The following SIMC1 variants were observed in gnomAD, a reference collection of about 807,000 sequenced individuals.
The protein encoded by SIMC1 is SUMO-interacting motif-containing protein 1.
SIMC1 carries 55 observed loss-of-function variants against 82.3 expected under a neutral mutation model. The observed-to-expected ratio is 0.67, with a 90% CI of 0.54 to 0.84. The LOEUF (loss-of-function observed/expected upper bound fraction) is 0.84. SIMC1 is among the 40% of genes least tolerant of loss of function. The pLI is 0.00. For missense variants in SIMC1, 915 were observed against 1,107.2 expected, an observed-to-expected ratio of 0.83 and a Z score of 2.46; for synonymous variants, 353 against 426.3, an observed-to-expected ratio of 0.83 and a Z score of 2.12.
At chr5:176,293,541 C>T (rs1013849793) in intron 2 of SIMC1, among the ~76,000 whole-genome samples, 3 of 150,058 alleles carry the variant, frequency 2.0e-5, no homozygotes, top group Admixed American at 1.3e-4. Context: ...TTCACAAGTT[C>T]GAGACCAGCC....
At chr5:176,276,504 A>G (rs1003338747) in intron 1 of SIMC1, among the ~76,000 whole-genome samples, 46 of 149,886 alleles carry the variant, frequency 3.1e-4, no homozygotes, top group South Asian at 6.3e-4. Flanking sequence ...TGTGCAGGTT[A>G]GTTACATATG....
chr5:176,309,073 C>A (rs559566854), intron 4 of SIMC1: 2 of 711,204 alleles, frequency 2.8e-6, no homozygotes, highest in South Asian at 1.7e-5. Context: ...TAAGCTAAAT[C>A]AATTTTGAAG....
Position 176,279,203 on chromosome 5 carries a change from A to G in SIMC1, c.130-10451A>G, listed in dbSNP as rs545284043. ...GGAGAGTGTATGTGTCGAGGAATTT[A>G]TCCATTTCTTCTAGATTTTCTAGTT... On this transcript the variant is annotated intron_variant, in intron 1 of 9. Transcript: ENST00000429602. 3.9e-5 allele frequency among the ~76,000 whole-genome samples: 6 copies of G among 152,216 alleles called. No homozygotes were observed. In the East Asian group the frequency reaches 9.7e-4, roughly 25 times the overall value.
At chr5:176,273,956 A>G (rs1290172515) in intron 1 of SIMC1, among the ~76,000 whole-genome samples, 1 of 151,694 alleles carries the variant, frequency 6.6e-6, no homozygotes, top group Non-Finnish European at 1.5e-5. Context: ...ATAGTGCCAC[A>G]ATAAACATAC....
intron 1 of SIMC1, among the ~76,000 whole-genome samples, chr5:176,287,618 TTAAAA>T (rs1763349116): frequency 1.3e-5 from 2 of 149,650 alleles, no homozygotes; most frequent in Admixed American, 1.3e-4. Context: ...ACCCTAGAAC[TTAAAA>T]TATAATAATT....
intron 9 of SIMC1, among the ~76,000 whole-genome samples, chr5:176,341,077 G>T (rs555843148): frequency 3.9e-4 from 59 of 152,308 alleles, no homozygotes; most frequent in African/African-American, 1.2e-3. Context: ...AACCCGGGAG[G>T]CAGAGGTTGC....
At chr5:176,313,978 A>C (rs530766241) in intron 5 of SIMC1, 133 bp downstream of exon 5, 99 of 1,147,488 alleles carry the variant, frequency 8.6e-5, no homozygotes, top group Non-Finnish European at 1.1e-4. Context: ...TTTTAAAACT[A>C]TAGATAGACC....
Position 176,290,909 on chromosome 5 carries a change from A to T in SIMC1, c.1385A>T (p.His462Leu). 1 of 1,610,256 alleles carries T rather than the reference A, an allele frequency of 6.2e-7. No individual in the cohort carries two copies. Among genetic ancestry groups the T allele is most frequent in the Non-Finnish European group, 8.5e-7 (1 of 1,177,618 alleles). ...RLKYFLRPPVHHLFFQTLIPD... is the reference protein window; with the variant it reads ...RLKYFLRPPVLHLFFQTLIPD... ...AAGTACTTCTTACGTCCTCCGGTTCATCACCTCTTCTTTCAGACGCTAATA... is the reference window on the plus strand; with the variant it reads ...AAGTACTTCTTACGTCCTCCGGTTCTTCACCTCTTCTTTCAGACGCTAATA... Residue 462 changes from histidine to leucine, a missense_variant, in exon 2 of 10, where the codon CAT (histidine) becomes CTT (leucine). By Grantham distance (99) the His-to-Leu change is moderately conservative. Around this residue, in one of 2 missense-constraint regions of SIMC1, gnomAD observed 902 missense variants for 1,040.3 expected, o/e 0.87. Coordinates refer to ENST00000429602, the MANE Select transcript of SIMC1 (RefSeq NM_001308195.2).
chr5:176,302,826 TACTC>T (rs772782680), intron 4 of SIMC1, among the ~76,000 whole-genome samples: 2 of 152,004 alleles, frequency 1.3e-5, no homozygotes, highest in Non-Finnish European at 2.9e-5. Context: ...AAGAATAAAA[TACTC>T]AGGCATAAAC....
At chr5:176,329,889 C>A (rs1052683063) in intron 7 of SIMC1, among the ~76,000 whole-genome samples, 1 of 152,066 alleles carries the variant, frequency 6.6e-6, no homozygotes, top group Admixed American at 6.6e-5. Flanking sequence ...TTGGAGGTAT[C>A]AGTATGAACT....
At chr5:176,267,733 GTTTTTTTTTTTTTT>G (rs1159766316) in intron 1 of SIMC1, among the ~76,000 whole-genome samples, 1 of 27,236 alleles carries the variant, frequency 3.7e-5, no homozygotes, top group East Asian at 1.5e-3. Context: ...TTTTCTTTCT[GTTTTTTTTTTTTTT>G]TTTTTTTTTT....
intron 4 of SIMC1, among the ~76,000 whole-genome samples, chr5:176,297,846 A>AG (rs1561704874): frequency 6.6e-6 from 1 of 152,174 alleles, no homozygotes; most frequent in Non-Finnish European, 1.5e-5. Context: ...AATCAAAAAA[A>AG]GGGGGGAGGC....
intron 4 of SIMC1, chr5:176,308,782 G>A: frequency 3.1e-6 from 4 of 1,278,022 alleles, no homozygotes; most frequent in Non-Finnish European, 4.6e-6. Flanking sequence ...AAGATCCTGT[G>A]CCAGGAGGAG....
intron 1 of SIMC1, among the ~76,000 whole-genome samples, chr5:176,264,952 T>C (rs1762143395): frequency 2.0e-5 from 3 of 152,154 alleles, no homozygotes; most frequent in Admixed American, 2.0e-4. Context: ...GAAGATTGCT[T>C]GGGCCCAGGA....
intron 1 of SIMC1, among the ~76,000 whole-genome samples, chr5:176,245,016 C>T (rs535675661): frequency 5.3e-5 from 8 of 152,208 alleles, no homozygotes; most frequent in Non-Finnish European, 7.4e-5. Context: ...CCACCGCACC[C>T]GGCCAACATT....
intron 1 of SIMC1, among the ~76,000 whole-genome samples, chr5:176,246,446 GTGTTGTT>G (rs1561668405): frequency 2.4e-4 from 33 of 136,004 alleles, no homozygotes; most frequent in Non-Finnish European, 3.1e-4. Context: ...GTGTGTGTGT[GTGTTGTT>G]TGTTTGTTTG....
intron 4 of SIMC1, among the ~76,000 whole-genome samples, chr5:176,311,445 T>A (rs556994442): frequency 1.4e-4 from 21 of 152,096 alleles, no homozygotes; most frequent in African/African-American, 4.8e-4. Context: ...GGTCTCACTA[T>A]GTTTCCGGGG....
intron 6 of SIMC1, among the ~76,000 whole-genome samples, chr5:176,323,401 C>T (rs1765245823): frequency 6.6e-6 from 1 of 152,128 alleles, no homozygotes; most frequent in Non-Finnish European, 1.5e-5. Context: ...ATAGGGTCCC[C>T]TAAAAGTCAA....
intron 5 of SIMC1, among the ~76,000 whole-genome samples, chr5:176,314,901 C>A (rs748703120): frequency 6.6e-6 from 1 of 152,140 alleles, no homozygotes; most frequent in Non-Finnish European, 1.5e-5. Context: ...CTGTTCAACA[C>A]TTTATTATAA....
Sources: allele counts gnomAD v4.1 joint callset (sites outside exome capture counted in the v4.1 genomes callset), GRCh38; gene constraint gnomAD v4.1.1; regional missense constraint gnomAD v4.1.1; transcripts MANE v1.5; gene names NCBI Gene and HGNC (gene_info 2026-07-23, HGNC 2026-07-21).